RIN2: variants seen among roughly 807,000 people sequenced by gnomAD.
The protein encoded by RIN2 is RAB5 interacting protein 2.
Under a neutral mutation model 78.0 loss-of-function variants are expected in RIN2, and 36 were observed. The observed-to-expected ratio is 0.46, with a 90% CI of 0.35 to 0.61. RIN2 has a LOEUF of 0.61. Ranked by LOEUF, RIN2 falls within the 20% of genes least tolerant of loss-of-function variation. The pLI is 0.00. For synonymous variants in RIN2, 466 were observed against 466.8 expected, an observed-to-expected ratio of 1.00 and a Z score of 0.02; for missense variants, 1,087 against 1,159.7, an observed-to-expected ratio of 0.94 and a Z score of 0.91.
At chr20:19,935,296 G>A in intron 4 of RIN2, 97 bp downstream of exon 4, 1 of 1,280,512 alleles carries the variant, frequency 7.8e-7, no homozygotes, top group Non-Finnish European at 1.1e-6. Flanking sequence ...TCAGAAGTCT[G>A]GGAGCTGGGA....
In RIN2 at chr20:19,964,719, A is replaced by G. The variant is rs189337426; in HGVS notation, c.464-233A>G. On this transcript the variant is annotated intron_variant, in intron 6 of 12. Coordinates refer to ENST00000255006, the MANE Select transcript of RIN2 (RefSeq NM_018993.4). ...AACTCGAGTCTGTCCTGGTCTGTTT[A>G]CCAAGCACTGGAGCATGTGCTCGGC... is the stretch of plus-strand genomic sequence containing the variant. Among the ~76,000 whole-genome samples the G allele has an allele frequency of 2.6e-5, 4 of 152,212 alleles. No individual in the cohort carries two copies. The East Asian group carries it at 7.7e-4, about 29-fold the overall frequency.
intron 1 of RIN2, among the ~76,000 whole-genome samples, chr20:19,769,162 TCCACGCGCCTTGG>T (rs368526783): frequency 6.4e-4 from 98 of 152,280 alleles, no homozygotes; most frequent in South Asian, 3.3e-3. Context: ...CCTCAGGTGA[TCCACGCGCCTTGG>T]CCACGCGCCT....
chr20:19,876,108 A>C (rs1227501911), intron 2 of RIN2, among the ~76,000 whole-genome samples: 2 of 152,202 alleles, frequency 1.3e-5, no homozygotes, highest in African/African-American at 4.8e-5. Flanking sequence ...GAGAAACCAA[A>C]AATGACTGCT....
intron 12 of RIN2, among the ~76,000 whole-genome samples, chr20:19,997,138 G>A (rs2042993641): frequency 6.6e-6 from 1 of 152,170 alleles, no homozygotes; most frequent in Non-Finnish European, 1.5e-5. Flanking sequence ...TGGCACAGAC[G>A]TTGGAGATTT....
intron 2 of RIN2, among the ~76,000 whole-genome samples, chr20:19,875,320 G>A (rs2037823193): frequency 6.6e-6 from 1 of 151,944 alleles, no homozygotes. Flanking sequence ...TACCATGCCC[G>A]GCTAATTTTT....
Position 19,864,605 on chromosome 20 carries a change from C to A in RIN2, c.-36-24961C>A, listed in dbSNP as rs2037442512. Among the ~76,000 whole-genome samples, 3 of 152,248 alleles carry A rather than the reference C, an allele frequency of 2.0e-5. No individual in the cohort carries two copies. In the South Asian group the frequency reaches 6.2e-4, roughly 32 times the overall value. On this transcript the variant is annotated intron_variant, in intron 2 of 12. Transcript: ENST00000255006. ...ATCATTTAAAAGTTTAAAAATAGAG[C>A]CCTCCTATTGACATATAAGGAGCGT... is the stretch of plus-strand genomic sequence containing the variant.
At chr20:19,803,031 C>T (rs2035295302) in intron 2 of RIN2, among the ~76,000 whole-genome samples, 2 of 152,122 alleles carry the variant, frequency 1.3e-5, no homozygotes, top group Admixed American at 6.6e-5. Flanking sequence ...TACAATTAAC[C>T]GAGAATGCTT....
chr20:19,974,995 C>T lies in RIN2; in HGVS notation c.970C>T (p.Arg324Trp), dbSNP rs1376170735. 11 of 1,613,062 alleles carry T rather than the reference C, an allele frequency of 6.8e-6. No homozygotes were observed. The highest frequency in any genetic ancestry group is 5.0e-5 in the Admixed American group (3 of 59,976). ...PAINSLHTSP[R>W]LARTETQTSM... is the part of the protein sequence containing the mutation. ...TATTAATAGTCTCCACACAAGCCCT[C>T]GGCTGGCCAGGACTGAAACCCAGAC... The change falls in exon 9 of 13, where the codon CGG (arginine) becomes TGG (tryptophan). Residue 324 changes from arginine (R) to tryptophan (W), a missense_variant. Physicochemically the swap from Arg to Trp is moderately radical, Grantham distance 101. Transcript: ENST00000255006.
At chr20:19,793,482 C>G (rs192097473) in intron 1 of RIN2, among the ~76,000 whole-genome samples, 9 of 151,978 alleles carry the variant, frequency 5.9e-5, no homozygotes, top group Non-Finnish European at 1.3e-4. Flanking sequence ...GATGGCAATG[C>G]CTTTCTCTAG....
chr20:19,847,027 C>A (rs1053500310), intron 2 of RIN2, among the ~76,000 whole-genome samples: 1 of 152,166 alleles, frequency 6.6e-6, no homozygotes, highest in Non-Finnish European at 1.5e-5. Context: ...TGAACATTAG[C>A]AACTATTCCA....
At chr20:19,844,286 C>G (rs984670629) in intron 2 of RIN2, among the ~76,000 whole-genome samples, 1 of 152,126 alleles carries the variant, frequency 6.6e-6, no homozygotes, top group African/African-American at 2.4e-5. Flanking sequence ...ACCAACTATT[C>G]TACTAAGATA....
intron 1 of RIN2, among the ~76,000 whole-genome samples, chr20:19,767,640 C>T (rs924972339): frequency 3.9e-5 from 6 of 152,006 alleles, no homozygotes; most frequent in Admixed American, 3.9e-4. Flanking sequence ...TGCGAGGCTC[C>T]TGGCCAGGCG....
At chr20:19,769,953 C>G (rs542115735) in intron 1 of RIN2, among the ~76,000 whole-genome samples, 7 of 152,134 alleles carry the variant, frequency 4.6e-5, no homozygotes, top group African/African-American at 1.7e-4. Context: ...ACCCCAAGAG[C>G]AAAAGAAAAT....
rs751950043 is a variant in RIN2 at position 19,956,783 on chromosome 20, G to A, written c.327G>A (p.Glu109=). The change falls in exon 5 of 13, where the codon GAG becomes GAA. Residue 109 remains glutamate, a synonymous_variant. Coordinates refer to ENST00000255006, the MANE Select transcript of RIN2 (RefSeq NM_018993.4). ...GTCTGAGTGAGGAGGAGGCAGCAGAGGTCCTGCAGGCCCAGCCTCCGGGGG... is the reference window on the plus strand; with the variant it reads ...GTCTGAGTGAGGAGGAGGCAGCAGAAGTCCTGCAGGCCCAGCCTCCGGGGG... The part of the protein sequence containing the change: ...QLSLSEEEAA[E]VLQAQPPGIF... 65 of 1,594,456 alleles carry A rather than the reference G, an allele frequency of 4.1e-5. No homozygotes were observed. Among genetic ancestry groups the A allele is most frequent in the Admixed American group, 2.4e-4 (14 of 57,842 alleles).
chr20:19,848,756 C>T lies in RIN2; in HGVS notation c.-36-40810C>T, dbSNP rs535703923. On this transcript the variant is annotated intron_variant, in intron 2 of 12. Transcript: ENST00000255006. The stretch of plus-strand genomic sequence containing the variant: ...GGTTTATCGTGAGTTTATATCCATT[C>T]GATTTATTTTATCATTTAAAAAACT... 4.5e-4 allele frequency among the ~76,000 whole-genome samples: 68 copies of T among 151,758 alleles called. 2 individuals are homozygous for T. In the South Asian group the frequency reaches 0.012, roughly 26 times the overall value.
intron 3 of RIN2, among the ~76,000 whole-genome samples, chr20:19,894,532 A>G (rs2038630002): frequency 6.6e-6 from 1 of 152,214 alleles, no homozygotes; most frequent in Non-Finnish European, 1.5e-5. Flanking sequence ...GATTTCAGGC[A>G]TGAGCCAGCA....
At chr20:19,816,334 C>A (rs2035765278) in intron 2 of RIN2, among the ~76,000 whole-genome samples, 1 of 152,150 alleles carries the variant, frequency 6.6e-6, no homozygotes, top group Admixed American at 6.5e-5. Flanking sequence ...GGAGAGGCGA[C>A]CCTACCTCCA....
At position 19,806,443 on chromosome 20, in the gene RIN2, G is replaced by A. The variant is rs1369376375; in HGVS notation, c.-37+6696G>A. Among the ~76,000 whole-genome samples, 6 of 152,272 alleles carry A rather than the reference G, an allele frequency of 3.9e-5. No homozygotes were observed. The East Asian group carries it at 9.7e-4, about 24-fold the overall frequency. On this transcript the variant is annotated intron_variant, in intron 2 of 12. Coordinates refer to ENST00000255006, the MANE Select transcript of RIN2 (RefSeq NM_018993.4). Reference sequence around the variant, plus strand: ...TGGCGTGAGATGGACTTTTTAAAAAGCAACGATGAACATCATGATTATATC... The same window carrying A: ...TGGCGTGAGATGGACTTTTTAAAAAACAACGATGAACATCATGATTATATC...
intron 2 of RIN2, among the ~76,000 whole-genome samples, chr20:19,806,092 C>T (rs969968630): frequency 5.9e-5 from 9 of 152,128 alleles, no homozygotes; most frequent in Non-Finnish European, 2.9e-5. Flanking sequence ...TGTATATGTG[C>T]ACCACATTTT....
Sources: allele counts gnomAD v4.1 joint callset (sites outside exome capture counted in the v4.1 genomes callset), GRCh38; gene constraint gnomAD v4.1.1; transcripts MANE v1.5; gene names NCBI Gene and HGNC (gene_info 2026-07-23, HGNC 2026-07-21).